Variants in EXD2 observed in about 807,000 individuals in gnomAD.
EXD2 encodes the protein exonuclease 3'-5' domain-containing protein 2.
EXD2 carries 40 observed loss-of-function variants against 62.5 expected under a neutral mutation model. That is an observed-to-expected ratio of 0.64 (90% CI 0.50 to 0.83). EXD2 has a LOEUF of 0.83. Ranked by LOEUF, EXD2 falls within the 40% of genes least tolerant of loss-of-function variation. The pLI is 0.00. For synonymous variants in EXD2, 239 were observed against 291.9 expected (o/e 0.82, Z 1.85); for missense variants, 671 against 761.8 (o/e 0.88, Z 1.40).
Position 69,234,859 on chromosome 14 carries a change from C to T in EXD2, c.877C>T (p.Arg293Ter), listed in dbSNP as rs770383229. 1.7e-5 allele frequency: 28 copies of T among 1,613,978 alleles called. No individual in the cohort carries two copies. Among genetic ancestry groups the T allele is most frequent in the East Asian group, 4.5e-5 (2 of 44,900 alleles). ...CCAGGGTGTGGTCGACATCCCATTT[C>T]GAAGCAAAGGAATGAGCAGATTGGG... Reference protein sequence around the residue: ...KCQGVVDIPFRSKGMSRLGEE... With the variant: ...KCQGVVDIPF The change falls in exon 6 of 10, where the codon CGA (arginine) becomes TGA (stop). Residue 293 changes from arginine (R) to a stop codon, truncating the protein, a stop_gained. Coordinates refer to ENST00000685843, the MANE Select transcript of EXD2 (RefSeq NM_001193360.2). LOFTEE classifies it high-confidence loss of function.
At chr14:69,196,840 C>T (rs1370982553) in intron 1 of EXD2, among the ~76,000 whole-genome samples, 1 of 151,292 alleles carries the variant, frequency 6.6e-6, no homozygotes, top group African/African-American at 2.4e-5. Flanking sequence ...CCAGGCTAGT[C>T]TCAAATTCCT....
At chr14:69,204,749 G>A (rs906500593) in intron 2 of EXD2, among the ~76,000 whole-genome samples, 5 of 152,068 alleles carry the variant, frequency 3.3e-5, no homozygotes, top group African/African-American at 1.2e-4. Flanking sequence ...GGCTCGATAA[G>A]GTTAAAAAAC....
intron 3 of EXD2, among the ~76,000 whole-genome samples, chr14:69,218,683 G>T (rs531571178): frequency 1.3e-5 from 2 of 152,234 alleles, no homozygotes; most frequent in East Asian, 1.9e-4. Flanking sequence ...ATTAATTTTT[G>T]TATAAGGTGT....
chr14:69,229,930 A>G (rs2043508638), intron 4 of EXD2, among the ~76,000 whole-genome samples: 1 of 152,226 alleles, frequency 6.6e-6, no homozygotes, highest in Admixed American at 6.5e-5. Context: ...TGGCTTATAT[A>G]AAGATCTTAT....
chr14:69,202,353 G>C (rs903641095), intron 1 of EXD2, among the ~76,000 whole-genome samples: 1 of 151,954 alleles, frequency 6.6e-6, no homozygotes, highest in Non-Finnish European at 1.5e-5. Flanking sequence ...CTGTAGCCTG[G>C]GTGACAAAGT....
intron 3 of EXD2, among the ~76,000 whole-genome samples, chr14:69,220,698 G>A (rs58328107): frequency 1.3e-5 from 2 of 150,818 alleles, no homozygotes; most frequent in African/African-American, 4.9e-5. Flanking sequence ...GTGAAACCCC[G>A]TCTCTTCTAA....
intron 9 of EXD2, among the ~76,000 whole-genome samples, chr14:69,240,472 A>G (rs2140057573): frequency 6.6e-6 from 1 of 152,318 alleles, no homozygotes; most frequent in African/African-American, 2.4e-5. Flanking sequence ...AAAGTGTAAC[A>G]TGCGGGCCGA....
chr14:69,220,251 C>CTT (rs2043123001), intron 3 of EXD2, among the ~76,000 whole-genome samples: 2 of 60,638 alleles, frequency 3.3e-5, no homozygotes, highest in Non-Finnish European at 3.0e-5. Context: ...TTTTGTCTCT[C>CTT]TGTTTTTTTT....
At chr14:69,212,011 C>T (rs1019091709) in intron 3 of EXD2, among the ~76,000 whole-genome samples, 1 of 152,174 alleles carries the variant, frequency 6.6e-6, no homozygotes, top group Non-Finnish European at 1.5e-5. Flanking sequence ...TCATAAAAAA[C>T]TCAATGAAAA....
Position 69,241,413 on chromosome 14 carries a change from G to T in EXD2, c.*313G>T, listed in dbSNP as rs1566846105. The T allele has an allele frequency of 9.6e-6, 3 of 313,882 alleles. No homozygotes were observed. The highest frequency in any genetic ancestry group is 9.0e-5 in the South Asian group (1 of 11,084). The allele number at this position is 313,882 out of a possible 1,614,324, so 19.4% of individuals were successfully genotyped here. A position where few individuals can be genotyped will look rare whatever the true frequency, so the allele number is the denominator to read the frequency against. ...GGAAAAATGAAGAATTCTCCCAGAA[G>T]TGACTTGTCAAGACTTAAAAAAAAT... On this transcript the variant is annotated 3_prime_UTR_variant, in exon 10 of 10. Transcript: ENST00000685843.
chr14:69,233,583 G>T (rs1002622729), intron 5 of EXD2, among the ~76,000 whole-genome samples: 2 of 151,776 alleles, frequency 1.3e-5, no homozygotes, highest in African/African-American at 4.8e-5. Context: ...GGGATTACAG[G>T]CGCGTGCCAC....
At chr14:69,214,939 T>C (rs942696452) in intron 3 of EXD2, among the ~76,000 whole-genome samples, 1 of 152,094 alleles carries the variant, frequency 6.6e-6, no homozygotes, top group Non-Finnish European at 1.5e-5. Flanking sequence ...AAATATACCA[T>C]GACTTATTTT....
At chr14:69,207,322 T>C (rs927054893) in intron 2 of EXD2, among the ~76,000 whole-genome samples, 2 of 151,878 alleles carry the variant, frequency 1.3e-5, no homozygotes, top group African/African-American at 4.8e-5. Context: ...GGTAAAACCC[T>C]GTCTCTACTA....
At chr14:69,198,114 G>GT (rs1204919503) in intron 1 of EXD2, among the ~76,000 whole-genome samples, 3 of 151,908 alleles carry the variant, frequency 2.0e-5, no homozygotes, top group African/African-American at 7.2e-5. Flanking sequence ...GTGATTATGT[G>GT]GTTTTTTTAT....
At chr14:69,203,732 C>T (rs1382615333) in intron 1 of EXD2, among the ~76,000 whole-genome samples, 185 bp from the exon 2 acceptor site, 1 of 152,202 alleles carries the variant, frequency 6.6e-6, no homozygotes, top group Non-Finnish European at 1.5e-5. Context: ...TGGGTGGGAG[C>T]TGAACTTGAC....
intron 3 of EXD2, among the ~76,000 whole-genome samples, chr14:69,220,866 T>C (rs1488736738): frequency 1.3e-5 from 2 of 151,956 alleles, no homozygotes; most frequent in Non-Finnish European, 1.5e-5. Context: ...TGAAACTCTT[T>C]CTAAGTCAAT....
chr14:69,213,757 G>A (rs566745516), intron 3 of EXD2: 7 of 150,476 alleles, frequency 4.7e-5, no homozygotes, highest in South Asian at 2.1e-4. Flanking sequence ...TTTGCCTCCC[G>A]GGTTCAAGTG....
intron 3 of EXD2, among the ~76,000 whole-genome samples, chr14:69,220,795 G>C (rs1256977380): frequency 1.3e-5 from 2 of 151,964 alleles, no homozygotes; most frequent in Non-Finnish European, 2.9e-5. Context: ...CTTGAAACCG[G>C]AAGGCAGAGG....
chr14:69,205,368 T>G (rs1333527996), intron 2 of EXD2, among the ~76,000 whole-genome samples: 2 of 152,158 alleles, frequency 1.3e-5, no homozygotes, highest in African/African-American at 4.8e-5. Context: ...GTTTTCTCCC[T>G]CTTTATCTGT....
Sources: allele counts gnomAD v4.1 joint callset (sites outside exome capture counted in the v4.1 genomes callset), GRCh38; gene constraint gnomAD v4.1.1; transcripts MANE v1.5; gene names NCBI Gene and HGNC (gene_info 2026-07-23, HGNC 2026-07-21).